Variants in GPC6 observed in about 807,000 individuals in gnomAD.
GPC6 encodes glypican 6.
A neutral mutation model predicts 55.2 loss-of-function variants in GPC6; 14 were observed. The ratio of observed to expected loss-of-function variants is 0.25; its 90% CI spans 0.17 to 0.40. GPC6 has a LOEUF of 0.40. GPC6 is among the 10% of genes least tolerant of loss of function. GPC6 has a pLI of 1.00. For missense variants in GPC6, 641 were observed against 708.5 expected (o/e 0.90, Z 1.08); for synonymous variants, 278 against 259.6 (o/e 1.07, Z -0.68).
intron 4 of GPC6, among the ~76,000 whole-genome samples, chr13:94,156,144 T>C (rs1887928859): frequency 6.6e-6 from 1 of 152,196 alleles, no homozygotes; most frequent in African/African-American, 2.4e-5. Flanking sequence ...TGTCAAACTA[T>C]ATATTATGTC....
rs1169024795 is a variant in GPC6 at position 94,404,387 on chromosome 13, G to A, written c.*1170G>A. Reference sequence around the variant, plus strand: ...TATGATCATCTATTTTTATATCTATGTATATATAAATCACAGATTTTAACT... The same window carrying A: ...TATGATCATCTATTTTTATATCTATATATATATAAATCACAGATTTTAACT... On this transcript the variant is annotated 3_prime_UTR_variant, in exon 9 of 9. Coordinates refer to ENST00000377047, the MANE Select transcript of GPC6 (RefSeq NM_005708.5). The A allele has an allele frequency of 6.6e-6, 1 of 151,990 alleles. No individual in the cohort carries two copies. Among genetic ancestry groups the A allele is most frequent in the East Asian group, 1.9e-4 (1 of 5,184 alleles). The allele number at this position is 151,990 out of a possible 1,614,324, so 9.4% of individuals were successfully genotyped here.
chr13:93,833,024 C>T (rs1410405897), intron 3 of GPC6, among the ~76,000 whole-genome samples: 1 of 150,910 alleles, frequency 6.6e-6, no homozygotes, highest in East Asian at 2.0e-4. Context: ...CCCATCCTGA[C>T]ATTTGGGCAC....
At chr13:93,378,252 T>TAAGCATGAAAC (rs1180915603) in intron 1 of GPC6, among the ~76,000 whole-genome samples, 15 of 152,200 alleles carry the variant, frequency 9.9e-5, no homozygotes, top group Admixed American at 9.8e-4. Flanking sequence ...GGCTAGTTGA[T>TAAGCATGAAAC]AAGCATGAAA....
At chr13:94,209,101 T>C (rs1209103021) in intron 4 of GPC6, among the ~76,000 whole-genome samples, 2 of 151,956 alleles carry the variant, frequency 1.3e-5, no homozygotes, top group Non-Finnish European at 2.9e-5. Flanking sequence ...ATATTTCCCC[T>C]TTCCCATCTG....
chr13:94,076,337 G>T (rs1472300413), intron 4 of GPC6, among the ~76,000 whole-genome samples: 1 of 151,504 alleles, frequency 6.6e-6, no homozygotes, highest in African/African-American at 2.4e-5. Context: ...ATTGAGATGT[G>T]GTTGTTCCTT....
At chr13:94,086,182 G>A (rs1345837854) in intron 4 of GPC6, among the ~76,000 whole-genome samples, 1 of 152,122 alleles carries the variant, frequency 6.6e-6, no homozygotes, top group Non-Finnish European at 1.5e-5. Context: ...TGGAAAAAAA[G>A]GTTTAGAAAA....
chr13:93,705,925 C>T (rs780829885), intron 2 of GPC6, among the ~76,000 whole-genome samples: 7 of 149,918 alleles, frequency 4.7e-5, no homozygotes, highest in African/African-American at 1.5e-4. Flanking sequence ...ATTATATAAA[C>T]CAATGAAACA....
intron 1 of GPC6, among the ~76,000 whole-genome samples, chr13:93,327,534 G>T (rs866910736): frequency 2.4e-4 from 36 of 152,100 alleles, no homozygotes; most frequent in African/African-American, 7.5e-4. Context: ...CCTCATTAGG[G>T]AGACAATGGT....
At chr13:93,465,554 C>T (rs898960730) in intron 1 of GPC6, among the ~76,000 whole-genome samples, 5 of 152,194 alleles carry the variant, frequency 3.3e-5, no homozygotes, top group African/African-American at 1.2e-4. Flanking sequence ...TCACCTCTCT[C>T]AACTTTCATA....
At position 94,000,705 on chromosome 13, in the gene GPC6, A is replaced by T. The variant is rs80031647; in HGVS notation, c.712-27024A>T. On this transcript the variant is annotated intron_variant, in intron 3 of 8. Coordinates refer to ENST00000377047, the MANE Select transcript of GPC6 (RefSeq NM_005708.5). ...AAAGGTACATGAATTCAGTTATTATAAAAAAGATAGTCACCTTGCATTTAC... is the reference window on the plus strand; with the variant it reads ...AAAGGTACATGAATTCAGTTATTATTAAAAAGATAGTCACCTTGCATTTAC... Among the ~76,000 whole-genome samples, 1,696 of 152,286 alleles carry T rather than the reference A, an allele frequency of 0.011. 57 individuals are homozygous for T. The East Asian group carries it at 0.12, about 11-fold the overall frequency.
At chr13:93,737,793 A>T (rs1002915358) in intron 2 of GPC6, among the ~76,000 whole-genome samples, 7 of 152,096 alleles carry the variant, frequency 4.6e-5, no homozygotes, top group African/African-American at 1.7e-4. Flanking sequence ...GCTTTGTCAA[A>T]ACATTATATT....
intron 1 of GPC6, among the ~76,000 whole-genome samples, chr13:93,276,495 AGTGTGTGTGTGTGTGTGT>A (rs71675979): frequency 1.1e-5 from 1 of 94,400 alleles, no homozygotes; most frequent in Non-Finnish European, 2.1e-5. Flanking sequence ...AGAGAGAGAG[AGTGTGTGTGTGTGTGTGT>A]GTGTGTGTGT....
At position 93,599,051 on chromosome 13, in the gene GPC6, C is replaced by G. The variant is rs552703257; in HGVS notation, c.319+53630C>G. On this transcript the variant is annotated intron_variant, in intron 2 of 8. Transcript: ENST00000377047. ...CAAAAATCTTGAAAGCTTTAGAAAT[C>G]TTTGAGTGCAAAGAATCATCATGAG... Among the ~76,000 whole-genome samples the G allele has an allele frequency of 7.2e-5, 11 of 152,212 alleles. No individual in the cohort carries two copies. The East Asian group carries it at 2.1e-3, about 29-fold the overall frequency.
chr13:94,402,807 T>TA (rs1442693767), intron 8 of GPC6, among the ~76,000 whole-genome samples: 3 of 151,964 alleles, frequency 2.0e-5, no homozygotes, highest in Admixed American at 1.3e-4. Flanking sequence ...AAGAGCCCCT[T>TA]AAAAAACCAT....
intron 2 of GPC6, among the ~76,000 whole-genome samples, chr13:93,721,300 T>C (rs547999068): frequency 6.6e-6 from 1 of 152,010 alleles, no homozygotes; most frequent in East Asian, 1.9e-4. Flanking sequence ...TTTACCATTA[T>C]GTAATGCCCT....
At chr13:93,708,182 CAT>C (rs1459666616) in intron 2 of GPC6, among the ~76,000 whole-genome samples, 4 of 151,760 alleles carry the variant, frequency 2.6e-5, no homozygotes, top group African/African-American at 4.8e-5. Flanking sequence ...AATTAAGTAA[CAT>C]ATATGTGGGC....
At position 93,780,332 on chromosome 13, in the gene GPC6, C is replaced by T. The variant is rs530017631; in HGVS notation, c.320-49822C>T. 5.0e-4 allele frequency among the ~76,000 whole-genome samples: 76 copies of T among 151,730 alleles called. No individual in the cohort carries two copies. The Middle Eastern group carries it at 0.017, about 34-fold the overall frequency. Reference sequence around the variant, plus strand: ...TATTGCCATAGGCTACACATATAGTCAATTATGTCCCACCATATTAGATGC... The same window carrying T: ...TATTGCCATAGGCTACACATATAGTTAATTATGTCCCACCATATTAGATGC... On this transcript the variant is annotated intron_variant, in intron 2 of 8. Transcript: ENST00000377047.
chr13:93,690,375 G>T (rs1882213930), intron 2 of GPC6, among the ~76,000 whole-genome samples: 1 of 151,988 alleles, frequency 6.6e-6, no homozygotes, highest in Non-Finnish European at 1.5e-5. Context: ...GAAAGTCTAG[G>T]ACCATGGACA....
intron 1 of GPC6, among the ~76,000 whole-genome samples, chr13:93,468,488 C>T (rs1378730284): frequency 1.7e-5 from 2 of 118,136 alleles, no homozygotes; most frequent in Admixed American, 7.9e-5. Context: ...AATTATAATT[C>T]GGGGCTGGGG....
Sources: allele counts gnomAD v4.1 joint callset (sites outside exome capture counted in the v4.1 genomes callset), GRCh38; gene constraint gnomAD v4.1.1; transcripts MANE v1.5; gene names NCBI Gene and HGNC (gene_info 2026-07-23, HGNC 2026-07-21).